Variants in C12orf50 observed in about 807,000 individuals in gnomAD.
C12orf50 encodes the protein uncharacterized protein C12orf50.
C12orf50 carries 35 observed loss-of-function variants against 61.6 expected under a neutral mutation model. That is an observed-to-expected ratio of 0.57 (90% CI 0.43 to 0.75). The LOEUF is 0.75. C12orf50 is among the 30% of genes least tolerant of loss of function. The probability of loss-of-function intolerance (pLI) is 0.00; values close to 1 mark genes in which losing one functional copy is unlikely to be tolerated. For synonymous variants in C12orf50, 178 were observed against 161.5 expected (o/e 1.10, Z -0.77); for missense variants, 475 against 488.5 (o/e 0.97, Z 0.26).
chr12:88,023,370 A>C (rs537472117), intron 3 of C12orf50, among the ~76,000 whole-genome samples: 2 of 152,224 alleles, frequency 1.3e-5, no homozygotes, highest in East Asian at 3.9e-4. Flanking sequence ...AGATAGATTA[A>C]AGACTTAAAT....
chr12:88,005,910 T>TG (rs1446730600), intron 3 of C12orf50, among the ~76,000 whole-genome samples: 1 of 139,042 alleles, frequency 7.2e-6, no homozygotes, highest in Non-Finnish European at 1.5e-5. Context: ...TTTGTTTTTT[T>TG]GGTTTTTTTT....
At chr12:88,011,270 C>T (rs1192806229) in intron 3 of C12orf50, among the ~76,000 whole-genome samples, 1 of 151,866 alleles carries the variant, frequency 6.6e-6, no homozygotes, top group Admixed American at 6.6e-5. Context: ...TGAGGATGAC[C>T]CCTGGGACCC....
intron 3 of C12orf50, among the ~76,000 whole-genome samples, chr12:88,011,204 C>T (rs1407063671): frequency 6.6e-6 from 1 of 151,654 alleles, no homozygotes; most frequent in Non-Finnish European, 1.5e-5. Context: ...TAAAGTGTAT[C>T]AGAGTTTTTT....
intron 3 of C12orf50, among the ~76,000 whole-genome samples, chr12:88,003,112 G>T (rs1479016235): frequency 6.6e-6 from 1 of 151,308 alleles, no homozygotes; most frequent in Non-Finnish European, 1.5e-5. Context: ...GGTATTTATA[G>T]TTTGTTCTAT....
In C12orf50 at chr12:87,987,859, G is replaced by C. The variant is rs139687471; in HGVS notation, c.808C>G (p.Pro270Ala). ...ENISMKCRED[P>A]SSMNDVQPVK... ...AGAGCTAATGTCTCACTTGAAGAGG[G>C]GTCCTCTCTGCACTTCATACTGATA... The change falls in exon 9 of 13, where the codon CCC becomes GCC. Residue 270 changes from proline to alanine, a missense_variant. Pro to Ala is a conservative substitution (Grantham distance 27). Coordinates refer to ENST00000298699, the MANE Select transcript of C12orf50 (RefSeq NM_152589.3). The C allele has an allele frequency of 9.4e-5, 149 of 1,591,236 alleles. 1 individual carries two copies. Among genetic ancestry groups the C allele is most frequent in the Non-Finnish European group, 1.3e-4 (147 of 1,161,756 alleles).
At chr12:87,989,813 C>T (rs549552406) in intron 7 of C12orf50, among the ~76,000 whole-genome samples, 3 of 152,174 alleles carry the variant, frequency 2.0e-5, no homozygotes, top group African/African-American at 4.8e-5. Context: ...CTTCACCATA[C>T]ATTACCTTTT....
chr12:88,022,901 A>G (rs2032568394), intron 3 of C12orf50, among the ~76,000 whole-genome samples: 1 of 152,244 alleles, frequency 6.6e-6, no homozygotes, highest in Non-Finnish European at 1.5e-5. Context: ...GGATAGGAAG[A>G]ATCAACACCA....
At position 88,029,329 on chromosome 12, in the gene C12orf50, T is replaced by C. The variant is rs1487256827; in HGVS notation, c.-109+11A>G. The C allele has an allele frequency of 5.5e-6, 1 of 182,964 alleles. No homozygotes were observed. The highest frequency in any genetic ancestry group is 1.2e-5 in the Non-Finnish European group (1 of 86,068). 11.3% of individuals were successfully genotyped at this position (182,964 alleles called of 1,614,324 possible). A position where few individuals can be genotyped will look rare whatever the true frequency, so the allele number is the denominator to read the frequency against. ...TAGATAATTCTTAAAGACATTTAAATTAGAAGATACCTTCTCTAGCTTTGC... is the reference window on the plus strand; with the variant it reads ...TAGATAATTCTTAAAGACATTTAAACTAGAAGATACCTTCTCTAGCTTTGC... On this transcript the variant is annotated intron_variant, in intron 1 of 12. Coordinates refer to ENST00000298699, the MANE Select transcript of C12orf50 (RefSeq NM_152589.3).
In C12orf50 at chr12:87,994,616, G is replaced by A. The variant is rs771639900; in HGVS notation, c.592+17C>T. ...GTGGTGATATATTCAGGGTCAATCAGTAATAAATTAACTCACCTCCATTTT... is the reference window on the plus strand; with the variant it reads ...GTGGTGATATATTCAGGGTCAATCAATAATAAATTAACTCACCTCCATTTT... On this transcript the variant is annotated intron_variant, in intron 7 of 12. Transcript: ENST00000298699. 6.7e-7 allele frequency: 1 copy of A among 1,503,080 alleles called. No individual in the cohort carries two copies. Among genetic ancestry groups the A allele is most frequent in the East Asian group, 2.3e-5 (1 of 44,268 alleles). The allele number at this position is 1,503,080 out of a possible 1,614,324, so 93.1% of individuals were successfully genotyped here. A position where few individuals can be genotyped will look rare whatever the true frequency, so the allele number is the denominator to read the frequency against.
chr12:87,986,899 G>A (rs889061375), intron 9 of C12orf50, among the ~76,000 whole-genome samples: 2 of 151,952 alleles, frequency 1.3e-5, no homozygotes, highest in Non-Finnish European at 2.9e-5. Context: ...AGATAGTTTG[G>A]TCAAGATTGA....
intron 3 of C12orf50, among the ~76,000 whole-genome samples, chr12:88,008,205 C>T (rs1221968095): frequency 6.6e-6 from 1 of 152,146 alleles, no homozygotes; most frequent in East Asian, 1.9e-4. Context: ...TCCTGATCCT[C>T]TCCCTCCTCC....
chr12:88,028,983 A>G, intron 1 of C12orf50: 1 of 658,224 alleles, frequency 1.5e-6, no homozygotes. Flanking sequence ...ATTTTTGTTC[A>G]GCAATACAAG....
intron 12 of C12orf50, among the ~76,000 whole-genome samples, chr12:87,981,433 T>C (rs1221728114): frequency 6.6e-6 from 1 of 152,210 alleles, no homozygotes; most frequent in African/African-American, 2.4e-5. Context: ...CTGGGAATGT[T>C]GTTAAAATGC....
intron 3 of C12orf50, among the ~76,000 whole-genome samples, chr12:88,013,654 A>C (rs1303392628): frequency 6.6e-6 from 1 of 152,256 alleles, no homozygotes; most frequent in Non-Finnish European, 1.5e-5. Flanking sequence ...CAGTAAAGAA[A>C]AAAGAGAAAG....
At position 88,029,353 on chromosome 12, in the gene C12orf50, G is replaced by C. The variant is rs2032820070; in HGVS notation, c.-122C>G. The C allele has an allele frequency of 5.7e-6, 1 of 176,296 alleles. No homozygotes were observed. Among genetic ancestry groups the C allele is most frequent in the South Asian group, 1.1e-4 (1 of 9,516 alleles). 10.9% of individuals were successfully genotyped at this position (176,296 alleles called of 1,614,324 possible). A position where few individuals can be genotyped will look rare whatever the true frequency, so the allele number is the denominator to read the frequency against. ...ATTAGAAGATACCTTCTCTAGCTTTGCAGAAACGCTGAAAGTGGTTGCTAG... is the reference window on the plus strand; with the variant it reads ...ATTAGAAGATACCTTCTCTAGCTTTCCAGAAACGCTGAAAGTGGTTGCTAG... On this transcript the variant is annotated 5_prime_UTR_variant, in exon 1 of 13. Transcript: ENST00000298699.
intron 3 of C12orf50, among the ~76,000 whole-genome samples, chr12:88,020,620 C>CA (rs1241603468): frequency 6.6e-6 from 1 of 152,068 alleles, no homozygotes; most frequent in African/African-American, 2.4e-5. Flanking sequence ...GACAGCATTA[C>CA]ACAGATTGTC....
chr12:88,022,497 C>T lies in C12orf50; in HGVS notation c.133+3991G>A, dbSNP rs1267533754. ...CTACTCACCATAGTATTGAAAAGTC[C>T]TGGCCAGAGCAAACAGGCAAGAGAA... is the stretch of plus-strand genomic sequence containing the variant. On this transcript the variant is annotated intron_variant, in intron 3 of 12. Coordinates refer to ENST00000298699, the MANE Select transcript of C12orf50 (RefSeq NM_152589.3). Among the ~76,000 whole-genome samples the T allele has an allele frequency of 1.3e-4, 20 of 152,068 alleles. 1 individual carries two copies. Among genetic ancestry groups the T allele is most frequent in the Admixed American group, 1.3e-3 (20 of 15,260 alleles).
intron 12 of C12orf50, among the ~76,000 whole-genome samples, chr12:87,981,019 G>A (rs1334489318): frequency 6.6e-6 from 1 of 151,988 alleles, no homozygotes; most frequent in Non-Finnish European, 1.5e-5. Flanking sequence ...ACAACAATTG[G>A]GAAGGATAAG....
chr12:88,000,035 A>T (rs2031587097), intron 3 of C12orf50, among the ~76,000 whole-genome samples: 1 of 152,126 alleles, frequency 6.6e-6, no homozygotes, highest in African/African-American at 2.4e-5. Flanking sequence ...TTGGAAAAAA[A>T]TGAGGAGTAA....
Sources: allele counts gnomAD v4.1 joint callset (sites outside exome capture counted in the v4.1 genomes callset), GRCh38; gene constraint gnomAD v4.1.1; transcripts MANE v1.5; gene names NCBI Gene and HGNC (gene_info 2026-07-23, HGNC 2026-07-21).